PLEKHG6: variants seen among roughly 807,000 people sequenced by gnomAD.
The protein encoded by PLEKHG6 is pleckstrin homology domain-containing family G member 6.
In PLEKHG6, 91 loss-of-function variants were observed where a neutral mutation model predicts 97.5. The observed-to-expected ratio is 0.93, with a 90% CI of 0.79 to 1.11. PLEKHG6 has a LOEUF of 1.11. Ranked by LOEUF, PLEKHG6 falls within the 50% of genes most tolerant of loss-of-function variation. PLEKHG6 has a pLI of 0.00. For synonymous variants in PLEKHG6, 466 were observed against 425.5 expected (o/e 1.10, Z -1.17); for missense variants, 1,044 against 1,031.0 (o/e 1.01, Z -0.17).
At chr12:6,314,979 G>C (rs894465160) in intron 3 of PLEKHG6, 26 bp from the exon 4 acceptor site, 4 of 1,608,918 alleles carry the variant, frequency 2.5e-6, no homozygotes, top group Non-Finnish European at 3.4e-6. Context: ...TGTGACCAGA[G>C]CTGATGCCCT....
chr12:6,317,931 GGCTGCA>G lies in PLEKHG6; in HGVS notation c.1095_1100del (p.Ala366_Ala367del). 1 of 1,572,944 alleles carries G rather than the reference GGCTGCA, an allele frequency of 6.4e-7. No individual in the cohort carries two copies. The highest frequency in any genetic ancestry group is 8.6e-7 in the Non-Finnish European group (1 of 1,158,932). ...AGGGCGAAGAGCAAGAGAGCTTGGC[GGCTGCA>G]GCACAACGCATCGGGCCCTACGAGG... On this transcript the variant is annotated inframe_deletion, in exon 10 of 16. Transcript: ENST00000684764.
At chr12:6,317,437 G>C in intron 8 of PLEKHG6, 24 bp downstream of exon 8, 1 of 1,609,012 alleles carries the variant, frequency 6.2e-7, no homozygotes, top group Non-Finnish European at 8.5e-7. Context: ...TGCTGGGGAG[G>C]GGGACGGGTG....
chr12:6,318,540 C>A, intron 11 of PLEKHG6, 120 bp downstream of exon 11: 1 of 1,336,954 alleles, frequency 7.5e-7, no homozygotes, highest in East Asian at 2.5e-5. Flanking sequence ...GGCTAAGCCC[C>A]AGTCATTTGT....
At chr12:6,314,921 T>G in intron 3 of PLEKHG6, 84 bp from the exon 4 acceptor site, 4 of 1,294,542 alleles carry the variant, frequency 3.1e-6, no homozygotes, top group Non-Finnish European at 4.4e-6. Context: ...TTAACACACA[T>G]GCACACACAC....
chr12:6,326,040 C>G (rs1947845220), intron 13 of PLEKHG6, among the ~76,000 whole-genome samples: 1 of 152,172 alleles, frequency 6.6e-6, no homozygotes, highest in Non-Finnish European at 1.5e-5. Flanking sequence ...GGCACGGTGG[C>G]TTACACGTCT....
Position 6,317,463 on chromosome 12 carries a change from G to A in PLEKHG6, c.867+50G>A, listed in dbSNP as rs1039556951. On this transcript the variant is annotated intron_variant, in intron 8 of 15. Transcript: ENST00000684764. ...GGGACGGGTGCATCTTAGCCGGCCGGTCTCCAGCTGAGCCTGAGGCTGAGT... is the reference window on the plus strand; with the variant it reads ...GGGACGGGTGCATCTTAGCCGGCCGATCTCCAGCTGAGCCTGAGGCTGAGT... 6.2e-6 allele frequency: 10 copies of A among 1,610,466 alleles called. No homozygotes were observed. The African/African-American group carries it at 1.3e-4, about 22-fold the overall frequency.
At chr12:6,328,092 C>G (rs184832682) in intron 15 of PLEKHG6, 44 bp from the exon 16 acceptor site, 1 of 1,613,330 alleles carries the variant, frequency 6.2e-7, no homozygotes, top group Non-Finnish European at 8.5e-7. Flanking sequence ...GACCCTCACC[C>G]GTTGCCACTG....
At position 6,319,048 on chromosome 12, in the gene PLEKHG6, T is replaced by C. The variant is rs750569794; in HGVS notation, c.1464T>C (p.Leu488=). 6.2e-6 allele frequency: 10 copies of C among 1,613,998 alleles called. No homozygotes were observed. The highest frequency in any genetic ancestry group is 8.5e-6 in the Non-Finnish European group (10 of 1,179,932). Residue 488 remains leucine, a synonymous_variant, in exon 13 of 16, where the codon CTT becomes CTC. Transcript: ENST00000684764. ...TCCAGTGTGTCTCCAGCGCCCTCCT[T>C]GTGCACTGTCCCAGTCCTACAGACC... The part of the protein sequence containing the change: ...TEFQCVSSAL[L]VHCPSPTDRA...
intron 10 of PLEKHG6, 122 bp downstream of exon 10, chr12:6,318,116 C>G: frequency 7.3e-7 from 1 of 1,372,932 alleles, no homozygotes. Context: ...TCATTCCTAC[C>G]TGGTGGTGAC....
At chr12:6,322,215 A>G (rs949783707) in intron 13 of PLEKHG6, among the ~76,000 whole-genome samples, 13 of 152,200 alleles carry the variant, frequency 8.5e-5, no homozygotes, top group Non-Finnish European at 1.9e-4. Flanking sequence ...GGGAAAGGGA[A>G]ATGTGTTTGT....
intron 13 of PLEKHG6, among the ~76,000 whole-genome samples, chr12:6,325,805 C>T (rs1307145263): frequency 6.6e-6 from 1 of 152,184 alleles, no homozygotes; most frequent in Non-Finnish European, 1.5e-5. Context: ...GCAGGAAGAC[C>T]TGTACAGGTA....
At chr12:6,319,408 A>G in intron 13 of PLEKHG6, 1 of 889,000 alleles carries the variant, frequency 1.1e-6, no homozygotes, top group Non-Finnish European at 1.7e-6. Flanking sequence ...AGATCGTGCC[A>G]CTGCACTCTA....
rs778526014 is a variant in PLEKHG6, at chr12:6,316,254, G to T, written c.607-1G>T. 2.6e-6 allele frequency: 4 copies of T among 1,550,834 alleles called. No individual in the cohort carries two copies. The East Asian group carries it at 9.6e-5, about 37-fold the overall frequency. ...CTGCTCAGCTCTGCTCCCTCCTCCA[G>T]GTGTCAGCTGAGACCCTGTTTGGAA... On this transcript the variant is annotated splice_acceptor_variant, in intron 6 of 15. Coordinates refer to ENST00000684764, the MANE Select transcript of PLEKHG6 (RefSeq NM_001384598.1). LOFTEE classifies it high-confidence loss of function. This position sits in a 1 kb window ranked among gnomAD's most constrained non-coding sequence, Gnocchi z 4.1.
At chr12:6,321,824 CTT>C (rs1436747275) in intron 13 of PLEKHG6, among the ~76,000 whole-genome samples, 3 of 11,398 alleles carry the variant, frequency 2.6e-4, no homozygotes, top group East Asian at 9.1e-4. Context: ...GAGACTCTGT[CTT>C]AAAAAAAAAA....
Position 6,313,820 on chromosome 12 carries a change from C to T in PLEKHG6, c.294+36C>T, listed in dbSNP as rs201948946. The T allele has an allele frequency of 1.6e-3, 2,381 of 1,523,142 alleles. 8 individuals carry two copies. The highest frequency in any genetic ancestry group is 2.0e-3 in the Non-Finnish European group (2,272 of 1,134,934). The allele number at this position is 1,523,142 out of a possible 1,614,324, so 94.4% of individuals were successfully genotyped here. On this transcript the variant is annotated intron_variant, in intron 3 of 15. Transcript: ENST00000684764. ...CCCTCTCCTCCCATCCCCACACATA[C>T]GGCCCCAATTGTGATGGCTCCGCAG...
In PLEKHG6 at chr12:6,320,901, C is replaced by T. The variant is rs562431052; in HGVS notation, c.1524+1793C>T. Among the ~76,000 whole-genome samples, 190 of 152,280 alleles carry T rather than the reference C, an allele frequency of 1.2e-3. 1 individual carries two copies. The highest frequency in any genetic ancestry group is 2.3e-3 in the Non-Finnish European group (156 of 68,020). ...GCCATATCTGCCTAAGTATGGAGCACAGTGTTTGTGTGAGTGCGTGGTAAG... is the reference window on the plus strand; with the variant it reads ...GCCATATCTGCCTAAGTATGGAGCATAGTGTTTGTGTGAGTGCGTGGTAAG... On this transcript the variant is annotated intron_variant, in intron 13 of 15. Coordinates refer to ENST00000684764, the MANE Select transcript of PLEKHG6 (RefSeq NM_001384598.1).
intron 2 of PLEKHG6, chr12:6,312,873 G>A (rs115339215): frequency 2.4e-5 from 32 of 1,337,270 alleles, no homozygotes; most frequent in Non-Finnish European, 3.1e-5. Flanking sequence ...GCAGAGGGGT[G>A]TGGAAGCCAG....
In PLEKHG6 at chr12:6,320,938, T is replaced by C. The variant is rs112036716; in HGVS notation, c.1524+1830T>C. On this transcript the variant is annotated intron_variant, in intron 13 of 15. Transcript: ENST00000684764. ...GAGTGCGTGGTAAGAGGCCAGATTC[T>C]GCAGAATCTCAGAGCTGCAGAACCC... Among the ~76,000 whole-genome samples the C allele has an allele frequency of 2.0e-3, 298 of 152,330 alleles. 2 individuals are homozygous for C. Among genetic ancestry groups the C allele is most frequent in the African/African-American group, 6.7e-3 (278 of 41,580 alleles).
At chr12:6,312,390 T>C in intron 2 of PLEKHG6, 26 bp downstream of exon 2, 3 of 1,559,312 alleles carry the variant, frequency 1.9e-6, no homozygotes, top group Middle Eastern at 1.8e-4. Context: ...GCCCCAAAAG[T>C]GACCTGGTGG....
Sources: gnomAD v4.1 joint callset for allele counts (sites outside exome capture counted in the v4.1 genomes callset) on GRCh38, gnomAD v4.1.1 for gene constraint, Gnocchi (gnomAD v3.1) non-coding constraint, MANE v1.5 for transcripts, NCBI Gene and HGNC (gene_info 2026-07-23, HGNC 2026-07-21) for gene names.